Variants in PRIM2 observed in about 807,000 individuals in gnomAD.
PRIM2 encodes the protein DNA primase large subunit.
A neutral mutation model predicts 67.3 loss-of-function variants in PRIM2; 39 were observed. That is an observed-to-expected ratio of 0.58 (90% confidence interval 0.45 to 0.76). The LOEUF (loss-of-function observed/expected upper bound fraction) is 0.76. Ranked by LOEUF, PRIM2 falls within the 30% of genes least tolerant of loss-of-function variation. The pLI, the probability that PRIM2 is intolerant of heterozygous loss-of-function variation, is 0.00. For synonymous variants in PRIM2, 143 were observed against 198.7 expected (o/e 0.72, Z 2.36); for missense variants, 398 against 598.7 (o/e 0.66, Z 3.50).
At chr6:57,636,559 A>C (rs1261924923) in intron 13 of PRIM2, among the ~76,000 whole-genome samples, 1 of 152,220 alleles carries the variant, frequency 6.6e-6, no homozygotes, top group Non-Finnish European at 1.5e-5. Context: ...AGGAAACTTC[A>C]TAATTTCATT....
At chr6:57,575,457 A>G (rs1380230840) in intron 10 of PRIM2, among the ~76,000 whole-genome samples, 4 of 151,208 alleles carry the variant, frequency 2.6e-5, no homozygotes, top group Non-Finnish European at 1.5e-5. Flanking sequence ...GAGAGGTGTT[A>G]TGATTCAGTG....
intron 12 of PRIM2, among the ~76,000 whole-genome samples, chr6:57,610,231 G>A (rs1404077667): frequency 1.3e-5 from 2 of 152,208 alleles, no homozygotes; most frequent in Admixed American, 1.3e-4. Flanking sequence ...ATCATGTCCA[G>A]CTAATTTTTG....
Position 57,364,403 on chromosome 6 carries a change from G to A in PRIM2, c.460-15498G>A, listed in dbSNP as rs528314516. 2.0e-5 allele frequency among the ~76,000 whole-genome samples: 3 copies of A among 152,170 alleles called. No homozygotes were observed. In the South Asian group the frequency reaches 6.2e-4, roughly 32 times the overall value. ...AGGTTTCTGAGAGTATTACTTTAGG[G>A]GTATTATGTCAGGTATTAAGTCAAG... On this transcript the variant is annotated intron_variant, in intron 5 of 13. Coordinates refer to ENST00000615550, the MANE Select transcript of PRIM2 (RefSeq NM_000947.5).
rs1157172882 is a variant in PRIM2, at chr6:57,587,664, C to CAAAAAAAA, written c.1021-13406_1021-13399dup. Among the ~76,000 whole-genome samples the CAAAAAAAA allele has an allele frequency of 2.2e-4, 12 of 54,240 alleles. 1 individual carries two copies. The highest frequency in any genetic ancestry group is 3.8e-4 in the African/African-American group (5 of 13,080). The allele number at this position is 54,240 out of a possible 152,430, so 35.6% of individuals were successfully genotyped here. A position where few individuals can be genotyped will look rare whatever the true frequency, so the allele number is the denominator to read the frequency against. ...GGGCAACAAGAGTGAGACTCTGTCT[C>CAAAAAAAA]AAAAAAAAAAAAAAAAAAAAAAAAA... On this transcript the variant is annotated intron_variant, in intron 10 of 13. Coordinates refer to ENST00000615550, the MANE Select transcript of PRIM2 (RefSeq NM_000947.5).
chr6:57,293,310 G>A, the PRIM2 span, among the ~76,000 whole-genome samples: 3 of 152,314 alleles, frequency 2.0e-5, no homozygotes, highest in African/African-American at 7.2e-5. Flanking sequence ...CTGTTAGAAT[G>A]GCAATCATGA....
At chr6:57,361,228 T>C (rs1769189965) in intron 5 of PRIM2, among the ~76,000 whole-genome samples, 1 of 152,174 alleles carries the variant, frequency 6.6e-6, no homozygotes, top group South Asian at 2.1e-4. Context: ...TGCTGCTTCC[T>C]GTCACACTCT....
chr6:57,331,768 T>C (rs1768064846), intron 5 of PRIM2, among the ~76,000 whole-genome samples: 1 of 151,950 alleles, frequency 6.6e-6, no homozygotes, highest in Non-Finnish European at 1.5e-5. Context: ...TCCTTCCTGA[T>C]TTTAACAATT....
intron 10 of PRIM2, among the ~76,000 whole-genome samples, chr6:57,552,774 T>C (rs1775429404): frequency 6.6e-6 from 1 of 152,176 alleles, no homozygotes; most frequent in Admixed American, 6.5e-5. Context: ...TGAATTTTCA[T>C]GTAAGCCTCA....
chr6:57,265,305 C>T, the PRIM2 span, among the ~76,000 whole-genome samples: 1 of 152,122 alleles, frequency 6.6e-6, no homozygotes, highest in Admixed American at 6.5e-5. Flanking sequence ...TCGACTCTTA[C>T]CTTTTATTTG....
At chr6:57,518,335 AC>A (rs1244710979) in intron 8 of PRIM2, among the ~76,000 whole-genome samples, 1 of 152,060 alleles carries the variant, frequency 6.6e-6, no homozygotes, top group Non-Finnish European at 1.5e-5. Context: ...ATGTAAAGTC[AC>A]CCTCACAAGT....
intron 10 of PRIM2, among the ~76,000 whole-genome samples, chr6:57,573,987 A>C (rs1378323891): frequency 2.2e-4 from 34 of 151,758 alleles, no homozygotes; most frequent in Non-Finnish European, 1.0e-4. Flanking sequence ...GTAGTGAGGC[A>C]AAAGAATAGG....
At chr6:57,282,742 C>T in the PRIM2 span, among the ~76,000 whole-genome samples, 4 of 152,284 alleles carry the variant, frequency 2.6e-5, no homozygotes, top group Non-Finnish European at 4.4e-5. Context: ...TGTAAGCTAA[C>T]GAGAGAGGGT....
chr6:57,448,297 A>C (rs1772428700), intron 7 of PRIM2, among the ~76,000 whole-genome samples: 1 of 152,126 alleles, frequency 6.6e-6, no homozygotes, highest in Non-Finnish European at 1.5e-5. Flanking sequence ...ATGAAAATGG[A>C]ATATTCCTTT....
In PRIM2 at chr6:57,354,705, A is replaced by G. The variant is rs372269828; in HGVS notation, c.460-25196A>G. Among the ~76,000 whole-genome samples, 748 of 152,346 alleles carry G rather than the reference A, an allele frequency of 4.9e-3. 5 individuals are homozygous for G. Among genetic ancestry groups the G allele is most frequent in the African/African-American group, 0.016 (661 of 41,578 alleles). ...TCAAATTAAGGCATAAACTTAAGGA[A>G]TAACAAATACCAGTAGTTAACTATG... On this transcript the variant is annotated intron_variant, in intron 5 of 13. Transcript: ENST00000615550.
chr6:57,524,060 G>A (rs1238487329), intron 8 of PRIM2, among the ~76,000 whole-genome samples: 4 of 152,002 alleles, frequency 2.6e-5, no homozygotes, highest in Admixed American at 2.6e-4. Flanking sequence ...GTTTAGTGTG[G>A]ATGTGATTAA....
intron 7 of PRIM2, among the ~76,000 whole-genome samples, chr6:57,475,574 A>G (rs1773457015): frequency 6.6e-6 from 1 of 152,170 alleles, no homozygotes; most frequent in African/African-American, 2.4e-5. Flanking sequence ...TCGTGTGCAT[A>G]TACCAGAATA....
chr6:57,312,411 AG>A (rs1382475643), upstream of PRIM2, among the ~76,000 whole-genome samples: 3 of 152,042 alleles, frequency 2.0e-5, no homozygotes, highest in Non-Finnish European at 4.4e-5. Flanking sequence ...CTCAGCTGGG[AG>A]GATCGCTTGA....
At chr6:57,321,759 A>G (rs1200317401) in intron 3 of PRIM2, among the ~76,000 whole-genome samples, 6 of 152,236 alleles carry the variant, frequency 3.9e-5, no homozygotes, top group Non-Finnish European at 8.8e-5. Flanking sequence ...ATATTAACCC[A>G]TGTATGTAAT....
rs1774838056 is a variant in PRIM2 at position 57,529,375 on chromosome 6, A to G, written c.762-3036A>G. 2.0e-5 allele frequency among the ~76,000 whole-genome samples: 3 copies of G among 152,168 alleles called. 1 individual carries two copies. In the South Asian group the frequency reaches 6.2e-4, roughly 32 times the overall value. On this transcript the variant is annotated intron_variant, in intron 8 of 13. Coordinates refer to ENST00000615550, the MANE Select transcript of PRIM2 (RefSeq NM_000947.5). ...TAATCCTAGCCTACTGCCATTCCCA[A>G]TGCCCCATGCTGCCTCTTTGCTCTA... is the stretch of plus-strand genomic sequence containing the variant.
Sources: allele counts gnomAD v4.1 joint callset (sites outside exome capture counted in the v4.1 genomes callset), GRCh38; gene constraint gnomAD v4.1.1; transcripts MANE v1.5; gene names NCBI Gene and HGNC (gene_info 2026-07-23, HGNC 2026-07-21).